The following HPSE2 variants were observed in gnomAD, a reference collection of about 807,000 sequenced individuals.
HPSE2 encodes heparanase 2 (inactive), also known as inactive heparanase-2.
A neutral mutation model predicts 60.5 loss-of-function variants in HPSE2; 38 were observed. The ratio of observed to expected loss-of-function variants is 0.63; its 90% CI spans 0.48 to 0.82. The LOEUF is 0.82. Among genes scored for constraint, HPSE2 ranks in the 40% least tolerant of loss-of-function variants. The pLI is 0.00. For missense variants in HPSE2, 713 were observed against 740.4 expected (o/e 0.96, Z 0.43); for synonymous variants, 295 against 293.2 (o/e 1.01, Z -0.06).
chr10:98,772,705 C>G (rs1950266221), intron 3 of HPSE2, among the ~76,000 whole-genome samples: 1 of 152,132 alleles, frequency 6.6e-6, no homozygotes, highest in South Asian at 2.1e-4. Flanking sequence ...ATGCCTATTA[C>G]TTATTGACTG....
chr10:98,696,803 C>T (rs12218532), intron 5 of HPSE2, among the ~76,000 whole-genome samples: 90,033 of 152,018 alleles, frequency 0.59, 27,188 homozygotes, highest in South Asian at 0.78. Flanking sequence ...GGGGGAAGGC[C>T]GGCAGCCATC....
chr10:98,743,861 A>T, intron 4 of HPSE2, 22 bp downstream of exon 4: 1 of 1,598,380 alleles, frequency 6.3e-7, no homozygotes, highest in Non-Finnish European at 8.6e-7. Flanking sequence ...GTCAATTCAG[A>T]GGAAGTAACA....
At chr10:99,271,182 C>G in the HPSE2 span, among the ~76,000 whole-genome samples, 2 of 152,140 alleles carry the variant, frequency 1.3e-5, no homozygotes, top group Non-Finnish European at 2.9e-5. Context: ...AATCAGTAAA[C>G]AGGACATCAG....
At chr10:98,782,950 T>TA (rs1950514007) in intron 3 of HPSE2, among the ~76,000 whole-genome samples, 6 of 139,504 alleles carry the variant, frequency 4.3e-5, no homozygotes, top group African/African-American at 1.6e-4. Flanking sequence ...TGTTTTTTTT[T>TA]TTATTATACT....
intron 9 of HPSE2, among the ~76,000 whole-genome samples, chr10:98,560,795 T>C (rs1336404430): frequency 2.0e-5 from 3 of 152,364 alleles, no homozygotes; most frequent in East Asian, 1.9e-4. Flanking sequence ...ATCATAGCCA[T>C]TGTAATGTAG....
Position 99,235,101 on chromosome 10 carries a change from T to TACACACACACACAC in HPSE2, c.290+398_290+411dup, listed in dbSNP as rs10630273. Among the ~76,000 whole-genome samples, 20 of 147,598 alleles carry TACACACACACACAC rather than the reference T, an allele frequency of 1.4e-4. No individual in the cohort carries two copies. In the South Asian group the frequency reaches 1.9e-3, roughly 14 times the overall value. ...CACACACACACTCTCCTGTCTCACA[T>TACACACACACACAC]ACACACACACACACACACACACACA... On this transcript the variant is annotated intron_variant, in intron 1 of 11. Coordinates refer to ENST00000370552, the MANE Select transcript of HPSE2 (RefSeq NM_021828.5).
At chr10:99,110,752 CATT>C (rs989950687) in intron 3 of HPSE2, among the ~76,000 whole-genome samples, 1 of 152,120 alleles carries the variant, frequency 6.6e-6, no homozygotes, top group Non-Finnish European at 1.5e-5. Context: ...GTCAAATCAT[CATT>C]ATTTTGTGTC....
chr10:99,087,702 C>A (rs1843371598), intron 3 of HPSE2, among the ~76,000 whole-genome samples: 1 of 152,114 alleles, frequency 6.6e-6, no homozygotes, highest in African/African-American at 2.4e-5. Flanking sequence ...GTCCTGACGA[C>A]TAGCCCACAG....
At chr10:98,600,893 G>A (rs61883381) in intron 9 of HPSE2, among the ~76,000 whole-genome samples, 34 of 38,198 alleles carry the variant, frequency 8.9e-4, no homozygotes, top group South Asian at 2.9e-3. Context: ...ACATATATAC[G>A]TATATATATG....
intron 3 of HPSE2, among the ~76,000 whole-genome samples, chr10:98,986,825 C>T (rs1169070774): frequency 2.0e-5 from 3 of 151,952 alleles, no homozygotes; most frequent in Admixed American, 2.0e-4. Flanking sequence ...CCACCGATCC[C>T]ACAGAAATAC....
intron 9 of HPSE2, among the ~76,000 whole-genome samples, chr10:98,571,836 A>T (rs1469200144): frequency 6.6e-6 from 1 of 152,230 alleles, no homozygotes; most frequent in Non-Finnish European, 1.5e-5. Flanking sequence ...CTGGCAGTTA[A>T]GCCAAGCTTA....
intron 3 of HPSE2, among the ~76,000 whole-genome samples, chr10:98,878,656 A>T (rs1445753533): frequency 2.0e-5 from 3 of 151,988 alleles, no homozygotes. Flanking sequence ...TGATGCAGGG[A>T]TCAGAGCATG....
chr10:99,242,572 T>A, the HPSE2 span, among the ~76,000 whole-genome samples: 9 of 152,210 alleles, frequency 5.9e-5, no homozygotes, highest in Non-Finnish European at 1.0e-4. Flanking sequence ...ATTACTCATG[T>A]CTTAGTTACA....
intron 2 of HPSE2, among the ~76,000 whole-genome samples, chr10:99,210,926 T>A (rs1029683353): frequency 6.6e-6 from 1 of 152,154 alleles, no homozygotes; most frequent in Non-Finnish European, 1.5e-5. Flanking sequence ...ACAGATCAAT[T>A]AGGCATAAAG....
chr10:98,922,783 CAT>C (rs777840975), intron 3 of HPSE2, among the ~76,000 whole-genome samples: 7 of 152,184 alleles, frequency 4.6e-5, no homozygotes, highest in Non-Finnish European at 7.3e-5. Context: ...AAAAACTCCA[CAT>C]GTTAACTTAG....
At chr10:99,229,729 T>A (rs1410103595) in intron 2 of HPSE2, among the ~76,000 whole-genome samples, 1 of 152,206 alleles carries the variant, frequency 6.6e-6, no homozygotes, top group South Asian at 2.1e-4. Flanking sequence ...AGTAGGTATA[T>A]CTTATTACTC....
chr10:98,989,980 G>A (rs1022177963), intron 3 of HPSE2, among the ~76,000 whole-genome samples: 8 of 152,244 alleles, frequency 5.3e-5, no homozygotes, highest in South Asian at 4.1e-4. Context: ...GCTTGTGGGC[G>A]TACCAAAACT....
intron 3 of HPSE2, among the ~76,000 whole-genome samples, chr10:99,026,309 A>G (rs1957376002): frequency 6.6e-6 from 1 of 152,178 alleles, no homozygotes; most frequent in Non-Finnish European, 1.5e-5. Flanking sequence ...GGAAACCAAT[A>G]AAAAGCAGGA....
At chr10:98,691,669 G>A in intron 6 of HPSE2, among the ~76,000 whole-genome samples, 1 of 152,164 alleles carries the variant, frequency 6.6e-6, no homozygotes, top group Non-Finnish European at 1.5e-5. Flanking sequence ...TCAGTAAAGG[G>A]ACATTATCTT....
Sources: gnomAD v4.1 joint callset for allele counts (sites outside exome capture counted in the v4.1 genomes callset) on GRCh38, gnomAD v4.1.1 for gene constraint, MANE v1.5 for transcripts, NCBI Gene and HGNC (gene_info 2026-07-23, HGNC 2026-07-21) for gene names.